The following SP140L variants were observed in gnomAD, a reference collection of about 807,000 sequenced individuals.
SP140L encodes SP140 like nuclear body protein, also known as nuclear body protein SP140-like protein.
In SP140L, 64 loss-of-function variants were observed where a neutral mutation model predicts 84.3. That is an observed-to-expected ratio of 0.76 (90% CI 0.62 to 0.94). SP140L has a LOEUF of 0.94. SP140L is among the 40% of genes least tolerant of loss of function. SP140L has a pLI of 0.00. For synonymous variants in SP140L, 242 were observed against 236.9 expected, an observed-to-expected ratio of 1.02 and a Z score of -0.20; for missense variants, 628 against 692.5, an observed-to-expected ratio of 0.91 and a Z score of 1.05.
chr2:230,382,046 C>A (rs914909673), intron 7 of SP140L, among the ~76,000 whole-genome samples: 2 of 152,136 alleles, frequency 1.3e-5, no homozygotes, highest in African/African-American at 2.4e-5. Context: ...TCGTTGTGTC[C>A]AGTCCTTGAT....
chr2:230,391,841 T>C (rs993540273), intron 11 of SP140L: 3 of 420,194 alleles, frequency 7.1e-6, no homozygotes, highest in African/African-American at 5.9e-5. Flanking sequence ...AAGGTTGCTC[T>C]TGCTGATAAC....
chr2:230,335,975 C>G (rs2059865077), intron 2 of SP140L, among the ~76,000 whole-genome samples: 1 of 152,062 alleles, frequency 6.6e-6, no homozygotes, highest in African/African-American at 2.4e-5. Flanking sequence ...TGAGTGTGCT[C>G]AAAAGAATAA....
intron 14 of SP140L, among the ~76,000 whole-genome samples, chr2:230,397,343 A>T (rs1387915433): frequency 6.6e-6 from 1 of 152,198 alleles, no homozygotes; most frequent in Non-Finnish European, 1.5e-5. Context: ...ACAGGACAAG[A>T]GGTCCTTTAC....
intron 4 of SP140L, 111 bp from the exon 5 acceptor site, chr2:230,361,503 G>GTCTTGTGTAACCC: frequency 1.3e-6 from 1 of 762,240 alleles, no homozygotes; most frequent in Admixed American, 2.4e-5. Context: ...AGAAGTTTAA[G>GTCTTGTGTAACCC]TCTGACTTCT....
At chr2:230,364,758 A>C (rs2060817700) in intron 5 of SP140L, among the ~76,000 whole-genome samples, 1 of 152,112 alleles carries the variant, frequency 6.6e-6, no homozygotes, top group Non-Finnish European at 1.5e-5. Flanking sequence ...ACTAATGACT[A>C]TGATGTTAGC....
chr2:230,388,376 T>C (rs1180618974), intron 9 of SP140L, among the ~76,000 whole-genome samples, 183 bp from the exon 10 acceptor site: 1 of 152,196 alleles, frequency 6.6e-6, no homozygotes, highest in Non-Finnish European at 1.5e-5. Context: ...AAATGAAATA[T>C]AAAGTGAACC....
intron 15 of SP140L, chr2:230,400,533 C>A: frequency 2.1e-6 from 1 of 479,242 alleles, no homozygotes; most frequent in Non-Finnish European, 3.8e-6. Flanking sequence ...GGTCTCCTGT[C>A]CCAGGGGGTT....
At chr2:230,377,548 A>G (rs12694851) in intron 7 of SP140L, among the ~76,000 whole-genome samples, 34,993 of 152,058 alleles carry the variant, frequency 0.23, 4,270 homozygotes, top group Non-Finnish European at 0.28. Flanking sequence ...TCACCTGTTG[A>G]TAGGCATTGA....
intron 4 of SP140L, among the ~76,000 whole-genome samples, chr2:230,360,577 G>T (rs143169434): frequency 1.3e-5 from 2 of 152,170 alleles, no homozygotes; most frequent in East Asian, 3.8e-4. Context: ...TCCAGGCTGC[G>T]GGGATGAAGG....
intron 11 of SP140L, 127 bp downstream of exon 11, chr2:230,390,150 G>A: frequency 1.3e-6 from 1 of 776,910 alleles, no homozygotes; most frequent in Non-Finnish European, 2.1e-6. Context: ...GAGGGAAGGA[G>A]GAAGGGATCC....
intron 7 of SP140L, among the ~76,000 whole-genome samples, chr2:230,381,711 TACACACACACACAC>T (rs71052506): frequency 4.8e-4 from 70 of 147,164 alleles, no homozygotes; most frequent in African/African-American, 1.7e-3. Context: ...CCTGTCTCTC[TACACACACACACAC>T]ACACACACAC....
chr2:230,377,130 C>T (rs2149780970), intron 7 of SP140L, among the ~76,000 whole-genome samples: 2 of 152,304 alleles, frequency 1.3e-5, no homozygotes, highest in Middle Eastern at 3.4e-3. Flanking sequence ...CCAAAGTCCA[C>T]TTGTGTTCTT....
chr2:230,363,609 C>T (rs991509601), intron 5 of SP140L, among the ~76,000 whole-genome samples: 15 of 151,712 alleles, frequency 9.9e-5, no homozygotes, highest in African/African-American at 3.6e-4. Context: ...AATATTTTCT[C>T]CCTTCTGTAG....
chr2:230,400,470 G>A, intron 15 of SP140L: 2 of 541,830 alleles, frequency 3.7e-6, no homozygotes, highest in Admixed American at 6.3e-5. Flanking sequence ...GGCCAGTGTT[G>A]GGGACCTTTG....
intron 2 of SP140L, 122 bp downstream of exon 2, chr2:230,328,953 G>T: frequency 7.2e-7 from 1 of 1,395,054 alleles, no homozygotes. Flanking sequence ...TTTATTTTTT[G>T]CCAATGTGAT....
chr2:230,346,009 A>T (rs2060197296), intron 2 of SP140L, among the ~76,000 whole-genome samples: 1 of 152,196 alleles, frequency 6.6e-6, no homozygotes, highest in African/African-American at 2.4e-5. Context: ...AACTAATACC[A>T]TCTCATTGCA....
chr2:230,383,064 T>C (rs919772084), intron 7 of SP140L, among the ~76,000 whole-genome samples: 1 of 152,222 alleles, frequency 6.6e-6, no homozygotes, highest in African/African-American at 2.4e-5. Flanking sequence ...AATGATTATG[T>C]AATTGCATAA....
At chr2:230,355,530 T>A (rs952445675) in intron 2 of SP140L, among the ~76,000 whole-genome samples, 6 of 152,166 alleles carry the variant, frequency 3.9e-5, no homozygotes, top group Admixed American at 2.6e-4. Context: ...AAGGCTTTTC[T>A]CATAGAAATT....
intron 7 of SP140L, among the ~76,000 whole-genome samples, chr2:230,380,222 C>T (rs6709797): frequency 0.23 from 34,997 of 151,998 alleles, 4,266 homozygotes; most frequent in Non-Finnish European, 0.28. Context: ...CATCAGATCT[C>T]GTGAGACTTG....
Sources: gnomAD v4.1 joint callset for allele counts (sites outside exome capture counted in the v4.1 genomes callset) on GRCh38, gnomAD v4.1.1 for gene constraint, MANE v1.5 for transcripts, NCBI Gene and HGNC (gene_info 2026-07-23, HGNC 2026-07-21) for gene names.